The following ZMYM2 variants were observed in gnomAD, a reference collection of about 807,000 sequenced individuals.
ZMYM2 encodes the protein zinc finger MYM-type containing 2.
In ZMYM2, 56 loss-of-function variants were observed where a neutral mutation model predicts 162.8. That is an observed-to-expected ratio of 0.34 (90% CI 0.28 to 0.43). ZMYM2 has a LOEUF of 0.43. Among genes scored for constraint, ZMYM2 ranks in the 20% least tolerant of loss-of-function variants. ZMYM2 has a pLI of 1.00. For synonymous variants in ZMYM2, 510 were observed against 541.6 expected, an observed-to-expected ratio of 0.94 and a Z score of 0.81; for missense variants, 1,275 against 1,621.8, an observed-to-expected ratio of 0.79 and a Z score of 3.67.
At chr13:19,990,771 TCTC>T (rs1312403573) in intron 2 of ZMYM2, among the ~76,000 whole-genome samples, 2 of 152,286 alleles carry the variant, frequency 1.3e-5, no homozygotes, top group East Asian at 1.9e-4. Flanking sequence ...ATAGCCAGTA[TCTC>T]CTCATCTTTT....
the ZMYM2 span, among the ~76,000 whole-genome samples, chr13:19,939,649 A>G: frequency 6.6e-6 from 1 of 152,298 alleles, no homozygotes; most frequent in East Asian, 1.9e-4. Context: ...AAAAAATTGA[A>G]AATACTTTAA....
At chr13:19,886,995 A>G in the ZMYM2 span, among the ~76,000 whole-genome samples, 3 of 151,678 alleles carry the variant, frequency 2.0e-5, no homozygotes, top group Non-Finnish European at 4.4e-5. Flanking sequence ...TGCTGACTGC[A>G]TTCCCCTGGT....
At chr13:19,885,889 ATG>A in the ZMYM2 span, among the ~76,000 whole-genome samples, 21 of 33,302 alleles carry the variant, frequency 6.3e-4, 3 homozygotes, top group African/African-American at 1.2e-3. Flanking sequence ...ACACATATAT[ATG>A]TGTATACACA....
chr13:19,918,785 C>A, the ZMYM2 span, among the ~76,000 whole-genome samples: 1 of 152,110 alleles, frequency 6.6e-6, no homozygotes, highest in African/African-American at 2.4e-5. Flanking sequence ...AGGCGTGAGC[C>A]ACCACACCTG....
intron 14 of ZMYM2, among the ~76,000 whole-genome samples, chr13:20,058,302 TTA>T (rs942141786): frequency 4.6e-5 from 7 of 152,222 alleles, no homozygotes; most frequent in African/African-American, 1.7e-4. Context: ...GATTGTCTTT[TTA>T]TATTTTTCTA....
the ZMYM2 span, among the ~76,000 whole-genome samples, chr13:19,878,366 T>C: frequency 6.6e-6 from 1 of 152,050 alleles, no homozygotes; most frequent in East Asian, 1.9e-4. Flanking sequence ...AGTAGCTTTT[T>C]GATAGTAGTT....
chr13:19,880,624 T>C, the ZMYM2 span, among the ~76,000 whole-genome samples: 1 of 152,012 alleles, frequency 6.6e-6, no homozygotes, highest in African/African-American at 2.4e-5. Context: ...AGATGGGGTT[T>C]CACCATGTTG....
the ZMYM2 span, among the ~76,000 whole-genome samples, chr13:19,939,055 G>A: frequency 3.0e-5 from 4 of 133,566 alleles, no homozygotes; most frequent in African/African-American, 8.6e-5. Flanking sequence ...ATGGAGTCTC[G>A]CTCTGTCACC....
At chr13:19,925,489 TTATGA>T in the ZMYM2 span, among the ~76,000 whole-genome samples, 31 of 152,312 alleles carry the variant, frequency 2.0e-4, no homozygotes, top group African/African-American at 4.1e-4. Flanking sequence ...TCTCAAGTAG[TTATGA>T]TATGTTTGTG....
At chr13:19,961,115 GTTTTT>G (rs77856282) in intron 2 of ZMYM2, among the ~76,000 whole-genome samples, 3 of 134,758 alleles carry the variant, frequency 2.2e-5, no homozygotes, top group African/African-American at 8.2e-5. Flanking sequence ...CAATTCTAAG[GTTTTT>G]TTTTTTTTTT....
chr13:20,039,932 G>C (rs1163185571), intron 12 of ZMYM2, among the ~76,000 whole-genome samples: 1 of 152,148 alleles, frequency 6.6e-6, no homozygotes, highest in Non-Finnish European at 1.5e-5. Context: ...CCCAGTGATA[G>C]AGCCTACTTG....
chr13:19,875,369 C>G, the ZMYM2 span, among the ~76,000 whole-genome samples: 3 of 152,104 alleles, frequency 2.0e-5, no homozygotes, highest in Non-Finnish European at 4.4e-5. Flanking sequence ...GCGGCTCACA[C>G]CTGTAATCCC....
At chr13:20,046,564 A>AATATATAT (rs1555317285) in intron 12 of ZMYM2, among the ~76,000 whole-genome samples, 8 of 103,868 alleles carry the variant, frequency 7.7e-5, no homozygotes, top group African/African-American at 2.8e-4. Context: ...TAAAAAAAAA[A>AATATATAT]ATATATATAT....
intron 18 of ZMYM2, among the ~76,000 whole-genome samples, chr13:20,064,090 C>T (rs1398115992): frequency 6.6e-6 from 1 of 150,852 alleles, no homozygotes; most frequent in Non-Finnish European, 1.5e-5. Context: ...AATGAGCACA[C>T]TGAGTAGAAT....
intron 2 of ZMYM2, among the ~76,000 whole-genome samples, chr13:19,990,497 T>C (rs539556136): frequency 2.9e-4 from 44 of 152,350 alleles, no homozygotes; most frequent in Non-Finnish European, 5.6e-4. Flanking sequence ...TCAGTGTAAA[T>C]GTCACTTGCT....
the ZMYM2 span, among the ~76,000 whole-genome samples, chr13:19,916,718 G>T: frequency 1.3e-5 from 2 of 151,302 alleles, no homozygotes; most frequent in Non-Finnish European, 2.9e-5. Context: ...GTCGGGGGGT[G>T]GGGGGCTGGG....
intron 7 of ZMYM2, among the ~76,000 whole-genome samples, chr13:20,021,137 G>T (rs1170159593): frequency 6.6e-6 from 1 of 151,870 alleles, no homozygotes; most frequent in Non-Finnish European, 1.5e-5. Context: ...CACCATGCCC[G>T]GCTAATTTTT....
At chr13:20,044,054 CTT>C (rs1954534223) in intron 12 of ZMYM2, among the ~76,000 whole-genome samples, 1 of 152,096 alleles carries the variant, frequency 6.6e-6, no homozygotes, top group South Asian at 2.1e-4. Context: ...AGACTGGCCT[CTT>C]CTTATGGGCA....
chr13:19,884,320 T>C, the ZMYM2 span, among the ~76,000 whole-genome samples: 3 of 152,254 alleles, frequency 2.0e-5, no homozygotes, highest in East Asian at 3.9e-4. Context: ...CCGCTTGTTA[T>C]ACCCCCGCAC....
Sources: allele counts gnomAD v4.1 joint callset (sites outside exome capture counted in the v4.1 genomes callset), GRCh38; gene constraint gnomAD v4.1.1; transcripts MANE v1.5; gene names NCBI Gene and HGNC (gene_info 2026-07-23, HGNC 2026-07-21).